The following KCNIP4 variants were observed in gnomAD, a reference collection of about 807,000 sequenced individuals.
KCNIP4 encodes the protein potassium voltage-gated channel interacting protein 4, also known as Kv channel-interacting protein 4.
In KCNIP4, 12 loss-of-function variants were observed where a neutral mutation model predicts 34.0. The observed-to-expected ratio is 0.35, with a 90% confidence interval of 0.23 to 0.57. The LOEUF (loss-of-function observed/expected upper bound fraction) is 0.57. Among genes scored for constraint, KCNIP4 ranks in the 20% least tolerant of loss-of-function variants. The pLI, the probability that KCNIP4 is intolerant of heterozygous loss-of-function variation, is 0.83. For synonymous variants in KCNIP4, 124 were observed against 102.2 expected (o/e 1.21, Z -1.29); for missense variants, 238 against 311.7 (o/e 0.76, Z 1.78).
At chr4:21,837,532 C>CAAAAAAAAAAAAAA (rs60449238) in intron 1 of KCNIP4, among the ~76,000 whole-genome samples, 6 of 78,466 alleles carry the variant, frequency 7.6e-5, no homozygotes, top group East Asian at 5.1e-4. Flanking sequence ...AAAACGCTGT[C>CAAAAAAAAAAAAAA]AAAAAAAAAA....
At chr4:21,835,758 T>C (rs903088103) in intron 1 of KCNIP4, among the ~76,000 whole-genome samples, 2 of 152,262 alleles carry the variant, frequency 1.3e-5, no homozygotes, top group East Asian at 3.9e-4. Context: ...TGTTTTCTAC[T>C]GTTTATAAAG....
At chr4:21,853,316 T>G (rs1050321030) in intron 1 of KCNIP4, 2 of 152,168 alleles carry the variant, frequency 1.3e-5, no homozygotes, top group African/African-American at 4.8e-5. Context: ...TTCAAAGCAG[T>G]GGGACATTGT....
chr4:21,119,507 T>C (rs1324180073), intron 1 of KCNIP4, among the ~76,000 whole-genome samples: 1 of 150,128 alleles, frequency 6.7e-6, no homozygotes, highest in East Asian at 2.0e-4. Context: ...GAGGTTCTTT[T>C]TAATTTCTAC....
At chr4:21,863,155 C>T (rs897901804) in intron 1 of KCNIP4, among the ~76,000 whole-genome samples, 4 of 151,776 alleles carry the variant, frequency 2.6e-5, no homozygotes, top group Non-Finnish European at 4.4e-5. Flanking sequence ...TCTATGAAGT[C>T]GTTATTCTTC....
chr4:21,726,552 G>T (rs1226671368), intron 1 of KCNIP4, among the ~76,000 whole-genome samples: 2 of 152,158 alleles, frequency 1.3e-5, no homozygotes, highest in African/African-American at 2.4e-5. Context: ...GGAGAACATT[G>T]TCATTTAGGC....
chr4:21,502,080 C>T (rs532916666), intron 1 of KCNIP4, among the ~76,000 whole-genome samples: 1 of 151,602 alleles, frequency 6.6e-6, no homozygotes, highest in African/African-American at 2.4e-5. Flanking sequence ...ATTATGGTTT[C>T]GACCCAATTC....
At chr4:21,378,302 A>G (rs1162138964) in intron 1 of KCNIP4, among the ~76,000 whole-genome samples, 1 of 152,224 alleles carries the variant, frequency 6.6e-6, no homozygotes, top group African/African-American at 2.4e-5. Context: ...ATCTTTTAAT[A>G]TACTTTTTTC....
chr4:21,112,809 G>A (rs371353251), intron 1 of KCNIP4, among the ~76,000 whole-genome samples: 29 of 151,852 alleles, frequency 1.9e-4, no homozygotes, highest in African/African-American at 6.3e-4. Context: ...AAAATGGAAG[G>A]TTGTTTCCAT....
chr4:21,217,606 G>C lies in KCNIP4; in HGVS notation c.62-334897C>G, dbSNP rs181327750. Among the ~76,000 whole-genome samples, 16 of 152,260 alleles carry C rather than the reference G, an allele frequency of 1.1e-4. No individual in the cohort carries two copies. The Middle Eastern group carries it at 0.014, about 129-fold the overall frequency. On this transcript the variant is annotated intron_variant, in intron 1 of 8. Transcript: ENST00000382152. ...AAGTGATTGAACATGAGCTGCAAGG[G>C]GGAAGGAAGATTAAAAGATGAGTTT...
intron 1 of KCNIP4, among the ~76,000 whole-genome samples, chr4:21,547,276 T>C (rs555170177): frequency 6.6e-5 from 10 of 152,198 alleles, no homozygotes; most frequent in Admixed American, 2.0e-4. Context: ...TTACACAGCA[T>C]TGATGCAGCC....
chr4:21,579,931 G>A (rs1483146081), intron 1 of KCNIP4, among the ~76,000 whole-genome samples: 1 of 152,040 alleles, frequency 6.6e-6, no homozygotes, highest in African/African-American at 2.4e-5. Context: ...TTCACAGAAC[G>A]CTTAGGTAAG....
chr4:21,568,516 A>G (rs1052672820), intron 1 of KCNIP4, among the ~76,000 whole-genome samples: 16 of 152,090 alleles, frequency 1.1e-4, no homozygotes, highest in African/African-American at 3.9e-4. Flanking sequence ...CCCACCCTCA[A>G]TCTGGGTGGG....
At chr4:21,016,502 A>T (rs2149740639) in intron 1 of KCNIP4, among the ~76,000 whole-genome samples, 1 of 152,084 alleles carries the variant, frequency 6.6e-6, no homozygotes, top group African/African-American at 2.4e-5. Context: ...TCACCGTGTT[A>T]GCCTGGATGG....
At chr4:21,808,566 G>A (rs777762744) in intron 1 of KCNIP4, among the ~76,000 whole-genome samples, 5 of 152,056 alleles carry the variant, frequency 3.3e-5, no homozygotes, top group Admixed American at 1.3e-4. Context: ...GTCAACAGTA[G>A]ACTATTAGTA....
chr4:21,115,088 T>A (rs1053675261), intron 1 of KCNIP4, among the ~76,000 whole-genome samples: 1 of 152,184 alleles, frequency 6.6e-6, no homozygotes, highest in Non-Finnish European at 1.5e-5. Context: ...AGGGCCCAGT[T>A]CACTTTTGTC....
intron 1 of KCNIP4, among the ~76,000 whole-genome samples, chr4:21,350,792 T>C (rs1041622023): frequency 6.6e-6 from 1 of 152,328 alleles, no homozygotes; most frequent in African/African-American, 2.4e-5. Context: ...GAATTTTTTC[T>C]TTCTCTGTCA....
intron 1 of KCNIP4, among the ~76,000 whole-genome samples, chr4:21,717,380 T>C (rs963822489): frequency 2.6e-5 from 4 of 151,982 alleles, no homozygotes; most frequent in East Asian, 1.9e-4. Flanking sequence ...ATATTATCTA[T>C]ATAATTTGCT....
intron 1 of KCNIP4, among the ~76,000 whole-genome samples, chr4:21,562,534 T>C (rs1271399064): frequency 1.3e-5 from 2 of 152,056 alleles, no homozygotes; most frequent in Non-Finnish European, 2.9e-5. Context: ...CAAAATAACA[T>C]GTAACATTTG....
intron 1 of KCNIP4, among the ~76,000 whole-genome samples, chr4:21,296,748 A>G (rs780848140): frequency 3.6e-4 from 55 of 151,904 alleles, no homozygotes; most frequent in Non-Finnish European, 7.1e-4. Flanking sequence ...TAATTCCAGG[A>G]GCCAGATTTG....
Sources: allele counts gnomAD v4.1 joint callset (sites outside exome capture counted in the v4.1 genomes callset), GRCh38; gene constraint gnomAD v4.1.1; transcripts MANE v1.5; gene names NCBI Gene and HGNC (gene_info 2026-07-23, HGNC 2026-07-21).